Variants in PDE4A observed in about 807,000 individuals in gnomAD.
PDE4A encodes phosphodiesterase 4A, also known as 3',5'-cyclic-AMP phosphodiesterase 4A.
PDE4A carries 21 observed loss-of-function variants against 73.9 expected under a neutral mutation model. The ratio of observed to expected loss-of-function variants is 0.28; its 90% CI spans 0.20 to 0.41. The LOEUF is 0.41. PDE4A is among the 10% of genes least tolerant of loss of function. PDE4A has a pLI of 1.00. For synonymous variants in PDE4A, 463 were observed against 505.4 expected (o/e 0.92, Z 1.13); for missense variants, 958 against 1,211.4 (o/e 0.79, Z 3.10).
rs1374685660 is a variant in PDE4A at position 10,453,038 on chromosome 19, G to T, written c.784-1791G>T. 2.2e-6 allele frequency: 3 copies of T among 1,339,878 alleles called. No individual in the cohort carries two copies. The highest frequency in any genetic ancestry group is 1.5e-5 in the African/African-American group (1 of 65,228). The allele number at this position is 1,339,878 out of a possible 1,614,324, so 83.0% of individuals were successfully genotyped here. ...CCACCGCCTCCACCCACTGCCGCGG[G>T]GGGGCCCGTTGGGGCCCAGGGCTGG... On this transcript the variant is annotated intron_variant, in intron 6 of 14. Coordinates refer to ENST00000380702, the MANE Select transcript of PDE4A (RefSeq NM_001111307.2). The surrounding 1 kb of genome is among the most constrained non-coding windows in gnomAD (Gnocchi z 4.6).
At chr19:10,448,244 C>T (rs1599432492) in intron 2 of PDE4A, among the ~76,000 whole-genome samples, 3 of 151,758 alleles carry the variant, frequency 2.0e-5, no homozygotes, top group East Asian at 2.0e-4. Context: ...AGACTACAGG[C>T]GTGCGTCACC....
intron 1 of PDE4A, among the ~76,000 whole-genome samples, chr19:10,442,448 C>T (rs1219531086): frequency 5.3e-5 from 8 of 152,054 alleles, no homozygotes; most frequent in Non-Finnish European, 8.8e-5. Context: ...TGCTTGAACC[C>T]GGGAGGCAGA....
At chr19:10,442,853 T>C (rs2042956435) in intron 1 of PDE4A, among the ~76,000 whole-genome samples, 1 of 149,192 alleles carries the variant, frequency 6.7e-6, no homozygotes, top group South Asian at 2.1e-4. Flanking sequence ...AGTAATATTA[T>C]ATACATGCAT....
chr19:10,464,774 G>A (rs2043335673), intron 14 of PDE4A, among the ~76,000 whole-genome samples: 2 of 151,332 alleles, frequency 1.3e-5, no homozygotes, highest in Admixed American at 1.3e-4. Flanking sequence ...CTGGAGTGCA[G>A]GGGCGTGATC....
chr19:10,440,595 T>C (rs2042923730), intron 1 of PDE4A, among the ~76,000 whole-genome samples: 1 of 151,738 alleles, frequency 6.6e-6, no homozygotes, highest in South Asian at 2.1e-4. Context: ...GGCTAATTAT[T>C]TTATTTATTT....
intron 7 of PDE4A, among the ~76,000 whole-genome samples, chr19:10,457,059 G>T (rs1436876852): frequency 2.6e-5 from 4 of 151,804 alleles, no homozygotes; most frequent in African/African-American, 9.7e-5. Flanking sequence ...TTAGCCGGGC[G>T]CGGTGGCGGG....
chr19:10,443,074 G>A (rs1251372836), intron 1 of PDE4A, among the ~76,000 whole-genome samples: 1 of 151,880 alleles, frequency 6.6e-6, no homozygotes, highest in Non-Finnish European at 1.5e-5. Context: ...AGCCACTCCC[G>A]AGGCTTAGGT....
chr19:10,464,146 G>A lies in PDE4A; in HGVS notation c.1926+171G>A, dbSNP rs563334688. On this transcript the variant is annotated intron_variant, in intron 14 of 14. Transcript: ENST00000380702. ...GGAGTCTCATTCTATTGCCCAGGCT[G>A]GAGTACAATGGCACGATCTTGGCTC... is the stretch of plus-strand genomic sequence containing the variant. 3.4e-5 allele frequency: 27 copies of A among 796,510 alleles called. No individual in the cohort carries two copies. In the South Asian group the frequency reaches 4.1e-4, roughly 12 times the overall value. 49.3% of individuals were successfully genotyped at this position (796,510 alleles called of 1,614,324 possible).
intron 7 of PDE4A, among the ~76,000 whole-genome samples, chr19:10,455,465 C>T (rs890768896): frequency 8.5e-6 from 1 of 117,184 alleles, no homozygotes; most frequent in East Asian, 2.4e-4. Context: ...ACTCTTGTCT[C>T]AAAAAAAAAA....
In PDE4A at chr19:10,423,252, G is replaced by A. The variant is rs902343543; in HGVS notation, c.320+2168G>A. 18 of 431,530 alleles carry A rather than the reference G, an allele frequency of 4.2e-5. No individual in the cohort carries two copies. In the South Asian group the frequency reaches 6.0e-4, roughly 14 times the overall value. The allele number at this position is 431,530 out of a possible 1,614,324, so 26.7% of individuals were successfully genotyped here. A position where few individuals can be genotyped will look rare whatever the true frequency, so the allele number is the denominator to read the frequency against. ...CAGCTCACTGCAACCTCTGCCTTCC[G>A]GATTCAAGTGATTCTCCTGCCTCAG... On this transcript the variant is annotated intron_variant, in intron 1 of 14. Coordinates refer to ENST00000380702, the MANE Select transcript of PDE4A (RefSeq NM_001111307.2).
chr19:10,456,034 C>A (rs1051960139), intron 7 of PDE4A, among the ~76,000 whole-genome samples: 5 of 150,704 alleles, frequency 3.3e-5, no homozygotes, highest in Non-Finnish European at 7.4e-5. Flanking sequence ...GTATGACCCC[C>A]CCCCAATTCA....
intron 1 of PDE4A, among the ~76,000 whole-genome samples, chr19:10,429,631 C>A (rs1398532880): frequency 6.6e-6 from 1 of 152,220 alleles, no homozygotes; most frequent in East Asian, 1.9e-4. Flanking sequence ...AGCCACCACA[C>A]CTGCCTTCTA....
chr19:10,450,518 T>C, intron 4 of PDE4A, 85 bp from the exon 5 acceptor site: 1 of 1,499,040 alleles, frequency 6.7e-7, no homozygotes, highest in Non-Finnish European at 8.9e-7. Context: ...CAAATGAAAA[T>C]TGGCACTGTT....
At chr19:10,449,049 C>T in intron 3 of PDE4A, 31 bp from the exon 4 acceptor site, 1 of 1,612,438 alleles carries the variant, frequency 6.2e-7, no homozygotes, top group South Asian at 1.1e-5. Context: ...TCTAGGGGAA[C>T]CCCACTCCTC....
chr19:10,465,614 C>G (rs1238083895), intron 14 of PDE4A, among the ~76,000 whole-genome samples: 1 of 140,508 alleles, frequency 7.1e-6, no homozygotes, highest in Non-Finnish European at 1.5e-5. Context: ...CCATGGAAAA[C>G]TAATTTTATA....
chr19:10,432,589 A>T (rs1424834283), intron 1 of PDE4A: 2 of 1,509,794 alleles, frequency 1.3e-6, no homozygotes, highest in Admixed American at 2.2e-5. Flanking sequence ...GCCCGTGGCC[A>T]GTCAGTCCTC....
In PDE4A at chr19:10,467,544, T is replaced by C. The variant is rs771040830; in HGVS notation, c.2584T>C (p.Cys862Arg). Residue 862 changes from cysteine (C) to arginine (R), a missense_variant, in exon 15 of 15, where the codon TGC (cysteine) becomes CGC (arginine). By Grantham distance (180) the Cys-to-Arg change is radical (BLOSUM62 -3). Coordinates refer to ENST00000380702, the MANE Select transcript of PDE4A (RefSeq NM_001111307.2). ...HQAAKRACSA[C>R]AGTFGEDTSA... ...GGCTGCCAAGAGGGCTTGCAGTGCC[T>C]GCGCAGGGACATTTGGGGAGGACAC... 6.2e-6 allele frequency: 10 copies of C among 1,611,696 alleles called. No individual in the cohort carries two copies. The African/African-American group carries it at 1.2e-4, about 19-fold the overall frequency.
chr19:10,432,188 GGGGAAGT>G (rs1472726917), intron 1 of PDE4A, among the ~76,000 whole-genome samples: 3 of 140,530 alleles, frequency 2.1e-5, no homozygotes, highest in African/African-American at 7.7e-5. Context: ...GGGGGGGGGG[GGGGAAGT>G]GTGCGTCCGA....
At chr19:10,463,725 G>C (rs1422948015) in intron 13 of PDE4A, 68 bp from the exon 14 acceptor site, 19 of 1,588,578 alleles carry the variant, frequency 1.2e-5, no homozygotes, top group Non-Finnish European at 1.5e-5. Flanking sequence ...AAGAAGGAAT[G>C]CCTGAGGTCT....
Sources: allele counts gnomAD v4.1 joint callset (sites outside exome capture counted in the v4.1 genomes callset), GRCh38; gene constraint gnomAD v4.1.1; non-coding constraint Gnocchi (gnomAD v3.1); transcripts MANE v1.5; gene names NCBI Gene and HGNC (gene_info 2026-07-23, HGNC 2026-07-21).